Variants in STAT2 observed in about 807,000 individuals in gnomAD.
STAT2 encodes interferon alpha induced transcriptional activator.
A neutral mutation model predicts 122.3 loss-of-function variants in STAT2; 51 were observed. The ratio of observed to expected loss-of-function variants is 0.42; its 90% CI spans 0.33 to 0.53. The LOEUF (loss-of-function observed/expected upper bound fraction) is 0.53, where lower values mean the gene tolerates loss of function less well. Ranked by LOEUF, STAT2 falls within the 20% of genes least tolerant of loss-of-function variation. The pLI is 0.10. For synonymous variants in STAT2, 351 were observed against 394.9 expected (o/e 0.89, Z 1.32); for missense variants, 736 against 1,010.3 (o/e 0.73, Z 3.68).
chr12:56,345,489 C>T (rs1401994563), intron 22 of STAT2, among the ~76,000 whole-genome samples: 9 of 30,228 alleles, frequency 3.0e-4, no homozygotes, highest in Non-Finnish European at 3.7e-4. Context: ...AACAGAGACC[C>T]TGTCTCAAAA....
chr12:56,349,718 T>A (rs1239006470), intron 13 of STAT2, 82 bp from the exon 14 acceptor site: 2 of 1,584,686 alleles, frequency 1.3e-6, no homozygotes, highest in Non-Finnish European at 1.7e-6. Flanking sequence ...TCAAGACCTC[T>A]CAAGCCCTGG....
Position 56,356,513 on chromosome 12 carries a change from TG to T in STAT2, c.58del (p.Gln20SerfsTer48), listed in dbSNP as rs1565660691. On this transcript the variant is annotated frameshift_variant, in exon 2 of 24. Coordinates refer to ENST00000314128, the MANE Select transcript of STAT2 (RefSeq NM_005419.4). LOFTEE classifies it high-confidence loss of function. Reference sequence around the variant, plus strand: ...AGGCAGGAGGCTGTGCGAGTAAAGCTGGTGCAGCTGATCCTGAAAGGGGCTG... The same window carrying T: ...AGGCAGGAGGCTGTGCGAGTAAAGCTGTGCAGCTGATCCTGAAAGGGGCTG... ...LDSPFQDQLH[Q>X]LYSHSLLPVD... 1 of 1,614,210 alleles carries T rather than the reference TG, an allele frequency of 6.2e-7. No homozygotes were observed. The highest frequency in any genetic ancestry group is 1.3e-5 in the African/African-American group (1 of 75,054).
intron 12 of STAT2, 81 bp downstream of exon 12, chr12:56,350,331 T>C: frequency 2.0e-6 from 3 of 1,495,504 alleles, no homozygotes; most frequent in Non-Finnish European, 2.7e-6. Context: ...TCTTCCTTGT[T>C]TGTGCCACCA....
At chr12:56,351,519 C>A (rs1878478230) in intron 8 of STAT2, 69 bp from the exon 9 acceptor site, 1 of 1,542,298 alleles carries the variant, frequency 6.5e-7, no homozygotes, top group Non-Finnish European at 8.8e-7. Context: ...GTTCCAAGAT[C>A]TCTCTGTAAA....
intron 8 of STAT2, among the ~76,000 whole-genome samples, chr12:56,354,229 A>AAAAGAAGG (rs1879157032): frequency 6.6e-6 from 1 of 150,730 alleles, no homozygotes; most frequent in South Asian, 2.1e-4. Flanking sequence ...GGGTGATTAA[A>AAAAGAAGG]AAAGAAGGAA....
chr12:56,349,395 TTC>T, intron 15 of STAT2, 29 bp downstream of exon 15: 2 of 1,614,136 alleles, frequency 1.2e-6, no homozygotes, highest in Non-Finnish European at 1.7e-6. Flanking sequence ...CAAAGCTGCT[TTC>T]TCTCTCCTTG....
At position 56,349,315 on chromosome 12, in the gene STAT2, A is replaced by G. The variant is rs561804472; in HGVS notation, c.1342-54T>C. 34 of 1,614,112 alleles carry G rather than the reference A, an allele frequency of 2.1e-5. No individual in the cohort carries two copies. In the East Asian group the frequency reaches 7.4e-4, roughly 35 times the overall value. The stretch of plus-strand genomic sequence containing the variant: ...GGATGTGATGTTTCTAGCTGCAGGT[A>G]TTTGTTAGAGGAAAGGAGTGCTAAC... On this transcript the variant is annotated intron_variant, in intron 15 of 23. Coordinates refer to ENST00000314128, the MANE Select transcript of STAT2 (RefSeq NM_005419.4).
chr12:56,342,511 AC>A lies in STAT2; in HGVS notation c.*877del, dbSNP rs1214694107. ...AGGCTGAGGTAGGAGGATTGCTTGA[AC>A]CCAGGAGGTTGAGGCTGCAGTGAGC... On this transcript the variant is annotated 3_prime_UTR_variant, in exon 24 of 24. Coordinates refer to ENST00000314128, the MANE Select transcript of STAT2 (RefSeq NM_005419.4). 1 of 151,674 alleles carries A rather than the reference AC, an allele frequency of 6.6e-6. No individual in the cohort carries two copies. The highest frequency in any genetic ancestry group is 1.5e-5 in the Non-Finnish European group (1 of 67,974). The allele number at this position is 151,674 out of a possible 1,614,324, so 9.4% of individuals were successfully genotyped here. A position where few individuals can be genotyped will look rare whatever the true frequency, so the allele number is the denominator to read the frequency against.
chr12:56,354,379 G>T, intron 8 of STAT2, 87 bp downstream of exon 8: 2 of 1,582,482 alleles, frequency 1.3e-6, no homozygotes, highest in South Asian at 2.3e-5. Flanking sequence ...GACAAATAGA[G>T]AACAGTATCT....
At position 56,358,116 on chromosome 12, in the gene STAT2, AT is replaced by A. The variant is rs1364995221; in HGVS notation, c.-7-1539del. ...CTTATTTCATCTATCTCCCTAATTC[AT>A]TTATTTTGCATTTATGTGTGTGTTT... is the stretch of plus-strand genomic sequence containing the variant. On this transcript the variant is annotated intron_variant, in intron 1 of 23. Transcript: ENST00000314128. 2.0e-5 allele frequency among the ~76,000 whole-genome samples: 3 copies of A among 151,036 alleles called. No homozygotes were observed. In the East Asian group the frequency reaches 5.8e-4, roughly 29 times the overall value.
At position 56,347,009 on chromosome 12, in the gene STAT2, C is replaced by T. The variant is rs548268811; in HGVS notation, c.1725-54G>A. Reference sequence around the variant, plus strand: ...CCGCCCAACACCCTGCCCCACCAGGCCCCTGCCTCCCTGCTCCCCTTGTAT... The same window carrying T: ...CCGCCCAACACCCTGCCCCACCAGGTCCCTGCCTCCCTGCTCCCCTTGTAT... On this transcript the variant is annotated intron_variant, in intron 19 of 23. Coordinates refer to ENST00000314128, the MANE Select transcript of STAT2 (RefSeq NM_005419.4). The T allele has an allele frequency of 1.0e-4, 165 of 1,595,904 alleles. No homozygotes were observed. In the East Asian group the frequency reaches 3.6e-3, roughly 35 times the overall value.
rs1878037111 is a variant in STAT2 at position 56,349,144 on chromosome 12, G to A, written c.1440+19C>T. ...CACCCCTCCTCTCGCGCCTTGACCT[G>A]TCGGCCCCACTCCCCTACCTGAAGG... On this transcript the variant is annotated intron_variant, in intron 16 of 23. Transcript: ENST00000314128. 3 of 1,614,040 alleles carry A rather than the reference G, an allele frequency of 1.9e-6. No homozygotes were observed. The highest frequency in any genetic ancestry group is 2.5e-6 in the Non-Finnish European group (3 of 1,180,002).
chr12:56,355,591 C>A (rs1565659603), intron 4 of STAT2, 59 bp from the exon 5 acceptor site: 1 of 1,606,762 alleles, frequency 6.2e-7, no homozygotes, highest in Non-Finnish European at 8.5e-7. Context: ...TAAGTTCAGG[C>A]CTGAAATTAT....
At position 56,343,441 on chromosome 12, in the gene STAT2, G is replaced by A. The variant is rs1214990324; in HGVS notation, c.2504C>T (p.Ser835Phe). Residue 835 changes from serine to phenylalanine, a missense_variant, in exon 24 of 24, where the codon TCC becomes TTC. Coordinates refer to ENST00000314128, the MANE Select transcript of STAT2 (RefSeq NM_005419.4). ...GQNTVDEVYVSRPSHFYTDGP... is the reference protein window; with the variant it reads ...GQNTVDEVYVFRPSHFYTDGP... ...ATCAGTGTAGAAGTGGCTGGGGCGG[G>A]AGACGTAAACCTCATCCACGGTGTT... The A allele has an allele frequency of 1.9e-6, 3 of 1,614,176 alleles. No homozygotes were observed. Among genetic ancestry groups the A allele is most frequent in the Non-Finnish European group, 2.5e-6 (3 of 1,180,020 alleles).
chr12:56,347,294 T>C (rs1370716531), intron 19 of STAT2, among the ~76,000 whole-genome samples: 1 of 151,722 alleles, frequency 6.6e-6, no homozygotes, highest in East Asian at 1.9e-4. Context: ...GCTCAAGCAA[T>C]CTTCCCACCT....
intron 8 of STAT2, among the ~76,000 whole-genome samples, chr12:56,353,563 A>G (rs1878885506): frequency 6.6e-6 from 1 of 152,210 alleles, no homozygotes; most frequent in African/African-American, 2.4e-5. Context: ...TTACCATAAA[A>G]TATAGCGTTT....
In STAT2 at chr12:56,351,419, G is replaced by A; in HGVS notation, c.814C>T (p.Leu272=). The part of the protein sequence containing the change: ...FTAGAKLLFH[L]RQLLKELKGL... ...TTCAGCTCCTTCAGCAGCTGCCTCA[G>A]GTGAAACAACAGCTTTGCTCCAGCT... Residue 272 remains leucine, a synonymous_variant, in exon 9 of 24, where the codon CTG becomes TTG. Transcript: ENST00000314128. 6.2e-7 allele frequency: 1 copy of A among 1,613,990 alleles called. No individual in the cohort carries two copies. The highest frequency in any genetic ancestry group is 8.5e-7 in the Non-Finnish European group (1 of 1,180,004).
At chr12:56,346,653 C>A (rs774073578) in intron 20 of STAT2, 29 bp from the exon 21 acceptor site, 1 of 1,612,312 alleles carries the variant, frequency 6.2e-7, no homozygotes, top group East Asian at 2.2e-5. Context: ...AACAGGCGGG[C>A]TTGAGGGAAG....
intron 8 of STAT2, among the ~76,000 whole-genome samples, chr12:56,352,132 C>G (rs1174905396): frequency 1.3e-5 from 2 of 152,078 alleles, no homozygotes; most frequent in African/African-American, 4.8e-5. Context: ...CTCCTGACCT[C>G]AGGTGATCCG....
Sources: allele counts gnomAD v4.1 joint callset (sites outside exome capture counted in the v4.1 genomes callset), GRCh38; gene constraint gnomAD v4.1.1; transcripts MANE v1.5; gene names NCBI Gene and HGNC (gene_info 2026-07-23, HGNC 2026-07-21).